Variants in FILIP1 observed in about 807,000 individuals in gnomAD.
The protein encoded by FILIP1 is filamin A interacting protein 1.
Under a neutral mutation model 102.1 loss-of-function variants are expected in FILIP1, and 61 were observed. The ratio of observed to expected loss-of-function variants is 0.60; its 90% CI spans 0.49 to 0.74. The LOEUF (loss-of-function observed/expected upper bound fraction) is 0.74, where lower values mean the gene tolerates loss of function less well. Among genes scored for constraint, FILIP1 ranks in the 30% least tolerant of loss-of-function variants. The pLI is 0.00. For synonymous variants in FILIP1, 491 were observed against 526.9 expected (o/e 0.93, Z 0.93); for missense variants, 1,314 against 1,441.2 (o/e 0.91, Z 1.43).
chr6:75,386,883 G>A (rs113092183), intron 2 of FILIP1, among the ~76,000 whole-genome samples: 1,593 of 152,222 alleles, frequency 0.01, 33 homozygotes, highest in African/African-American at 0.037. Flanking sequence ...TGAGATCCAT[G>A]TGCAGAATGT....
At chr6:75,493,058 G>A (rs1233835557) in intron 1 of FILIP1, among the ~76,000 whole-genome samples, 1 of 152,218 alleles carries the variant, frequency 6.6e-6, no homozygotes, top group East Asian at 1.9e-4. Context: ...TACTTCTAGG[G>A]GAGATATCCT....
chr6:75,408,983 C>T (rs1776966375), intron 2 of FILIP1, among the ~76,000 whole-genome samples: 1 of 152,160 alleles, frequency 6.6e-6, no homozygotes, highest in African/African-American at 2.4e-5. Flanking sequence ...TAGATTGTAC[C>T]AAACATTGAG....
downstream of FILIP1, among the ~76,000 whole-genome samples, chr6:75,303,220 T>G (rs1186262142): frequency 6.6e-6 from 1 of 152,150 alleles, no homozygotes; most frequent in African/African-American, 2.4e-5. Context: ...GATGGGGCAG[T>G]ATTGAAAATG....
chr6:75,409,892 T>G (rs1165056455), intron 2 of FILIP1, among the ~76,000 whole-genome samples: 1 of 151,902 alleles, frequency 6.6e-6, no homozygotes, highest in Non-Finnish European at 1.5e-5. Context: ...TCCACACCCC[T>G]ATAATACCAT....
At chr6:75,352,696 A>G (rs1393957877) in intron 4 of FILIP1, among the ~76,000 whole-genome samples, 14 of 152,058 alleles carry the variant, frequency 9.2e-5, no homozygotes, top group Admixed American at 5.2e-4. Flanking sequence ...ACTGGTATTA[A>G]AAATGAATAG....
intron 2 of FILIP1, among the ~76,000 whole-genome samples, chr6:75,382,351 C>A (rs1239638486): frequency 6.6e-6 from 1 of 152,278 alleles, no homozygotes; most frequent in East Asian, 1.9e-4. Flanking sequence ...AATATGCACT[C>A]ACGGACATCT....
chr6:75,426,728 A>C (rs1000954748), intron 1 of FILIP1, among the ~76,000 whole-genome samples: 1 of 149,866 alleles, frequency 6.7e-6, no homozygotes, highest in Non-Finnish European at 1.5e-5. Flanking sequence ...AGAAAGAACC[A>C]TGGGCACTAC....
intron 1 of FILIP1, among the ~76,000 whole-genome samples, chr6:75,426,370 T>C (rs1214477089): frequency 4.6e-5 from 7 of 152,230 alleles, no homozygotes; most frequent in Admixed American, 2.0e-4. Flanking sequence ...TTCTGTTTCA[T>C]GGGTAAAAAT....
chr6:75,431,027 A>G (rs1392039301), intron 1 of FILIP1, among the ~76,000 whole-genome samples: 4 of 152,232 alleles, frequency 2.6e-5, no homozygotes, highest in Non-Finnish European at 5.9e-5. Context: ...GGAAAGTTGC[A>G]TGTTATAATA....
intron 4 of FILIP1, among the ~76,000 whole-genome samples, chr6:75,342,633 A>G (rs1179986491): frequency 6.6e-6 from 1 of 152,140 alleles, no homozygotes; most frequent in African/African-American, 2.4e-5. Flanking sequence ...AACCTCTGGG[A>G]CCATTAGGAA....
In FILIP1 at chr6:75,308,146, A is replaced by C; in HGVS notation, c.*545T>G. ...TCACATTATTTCCTGAAATCATCTT[A>C]GAACCTTTTGTTTTTGCAAAATTTT... On this transcript the variant is annotated 3_prime_UTR_variant, in exon 6 of 6. Coordinates refer to ENST00000237172, the MANE Select transcript of FILIP1 (RefSeq NM_015687.5). The C allele has an allele frequency of 1.0e-6, 1 of 986,504 alleles. No homozygotes were observed. Among genetic ancestry groups the C allele is most frequent in the Non-Finnish European group, 1.2e-6 (1 of 830,404 alleles). 61.1% of individuals were successfully genotyped at this position (986,504 alleles called of 1,614,324 possible).
At chr6:75,372,493 A>G (rs1775556596) in intron 2 of FILIP1, among the ~76,000 whole-genome samples, 1 of 151,054 alleles carries the variant, frequency 6.6e-6, no homozygotes, top group Non-Finnish European at 1.5e-5. Flanking sequence ...GAAGATATAC[A>G]AGTGGCCAAA....
intron 4 of FILIP1, among the ~76,000 whole-genome samples, chr6:75,345,386 G>A (rs996887303): frequency 4.7e-5 from 7 of 149,382 alleles, no homozygotes; most frequent in Non-Finnish European, 5.9e-5. Flanking sequence ...AGAGCAGCCC[G>A]TAAAATTGAG....
At chr6:75,306,401 A>C (rs561659254), downstream of FILIP1, among the ~76,000 whole-genome samples, 66 of 152,334 alleles carry the variant, frequency 4.3e-4, no homozygotes, top group African/African-American at 1.5e-3. Context: ...TTATGATAAA[A>C]ATCACTGAAG....
intron 1 of FILIP1, among the ~76,000 whole-genome samples, chr6:75,485,343 C>T (rs889867110): frequency 6.6e-6 from 1 of 152,116 alleles, no homozygotes; most frequent in Non-Finnish European, 1.5e-5. Context: ...GTGCTATTAA[C>T]CAATAATGAA....
intron 1 of FILIP1, among the ~76,000 whole-genome samples, chr6:75,436,359 T>G (rs1337141104): frequency 6.7e-6 from 1 of 149,862 alleles, no homozygotes; most frequent in East Asian, 1.9e-4. Flanking sequence ...AGTGAGACCC[T>G]GTCTCAGGAA....
chr6:75,312,955 G>A lies in FILIP1; in HGVS notation c.2877C>T (p.Asn959=), dbSNP rs1211713922. 3 of 1,613,982 alleles carry A rather than the reference G, an allele frequency of 1.9e-6. No individual in the cohort carries two copies. The highest frequency in any genetic ancestry group is 2.2e-5 in the East Asian group (1 of 44,896). ...KPRITIIPSP[N]VMPQKQKSGD... ...CACTTTTTTGTTTTTGAGGCATAACGTTTGGTGATGGAATAATGGTTATTC... is the reference window on the plus strand; with the variant it reads ...CACTTTTTTGTTTTTGAGGCATAACATTTGGTGATGGAATAATGGTTATTC... Residue 959 remains asparagine (N), a synonymous_variant, in exon 5 of 6, where the codon AAC becomes AAT. Coordinates refer to ENST00000237172, the MANE Select transcript of FILIP1 (RefSeq NM_015687.5).
At chr6:75,463,736 T>C (rs1779089425) in intron 1 of FILIP1, among the ~76,000 whole-genome samples, 1 of 152,232 alleles carries the variant, frequency 6.6e-6, no homozygotes, top group Admixed American at 6.5e-5. Context: ...TGATGTTTCT[T>C]ATCTTAGTTT....
intron 3 of FILIP1, chr6:75,361,898 G>A (rs1321597080): frequency 2.0e-5 from 3 of 152,202 alleles, no homozygotes; most frequent in Non-Finnish European, 2.9e-5. Flanking sequence ...GCAGTAATTT[G>A]AAAATTATGG....
Sources: allele counts gnomAD v4.1 joint callset (sites outside exome capture counted in the v4.1 genomes callset), GRCh38; gene constraint gnomAD v4.1.1; transcripts MANE v1.5; gene names NCBI Gene and HGNC (gene_info 2026-07-23, HGNC 2026-07-21).